DEPTOR: variants seen among roughly 807,000 people sequenced by gnomAD.
DEPTOR encodes DEP domain containing MTOR interacting protein, also known as DEP domain-containing mTOR-interacting protein.
In DEPTOR, 41 loss-of-function variants were observed where a neutral mutation model predicts 41.6. That is an observed-to-expected ratio of 0.98 (90% confidence interval 0.77 to 1.28). The LOEUF (loss-of-function observed/expected upper bound fraction) is 1.28. Among genes scored for constraint, DEPTOR ranks in the 50% most tolerant of loss-of-function variants. DEPTOR has a pLI of 0.00. For synonymous variants in DEPTOR, 195 were observed against 192.3 expected (o/e 1.01, Z -0.12); for missense variants, 514 against 527.9 (o/e 0.97, Z 0.26).
intron 3 of DEPTOR, among the ~76,000 whole-genome samples, chr8:119,943,787 A>G (rs1828233411): frequency 6.6e-6 from 1 of 151,858 alleles, no homozygotes; most frequent in South Asian, 2.1e-4. Context: ...AACCCTACCC[A>G]TAGCTTTGGT....
At chr8:120,014,473 T>C (rs1368962026) in intron 8 of DEPTOR, among the ~76,000 whole-genome samples, 29 of 152,064 alleles carry the variant, frequency 1.9e-4, no homozygotes, top group Admixed American at 1.8e-3. Context: ...AAAAAATCTG[T>C]CTCTTATCTC....
At chr8:119,985,722 G>A (rs540820021) in intron 4 of DEPTOR, among the ~76,000 whole-genome samples, 2 of 149,594 alleles carry the variant, frequency 1.3e-5, no homozygotes, top group South Asian at 4.3e-4. Flanking sequence ...AGCTCTTCTT[G>A]TTGCATTGAT....
chr8:119,926,738 T>A lies in DEPTOR; in HGVS notation c.123-1662T>A, dbSNP rs1351422697. On this transcript the variant is annotated intron_variant, in intron 1 of 8. Coordinates refer to ENST00000286234, the MANE Select transcript of DEPTOR (RefSeq NM_022783.4). ...ATATCACTGATATCCTCATCTCTGT[T>A]ACTAGTGGATTCATTGCTATGTCCT... Among the ~76,000 whole-genome samples, 4 of 152,342 alleles carry A rather than the reference T, an allele frequency of 2.6e-5. No homozygotes were observed. The East Asian group carries it at 7.7e-4, about 29-fold the overall frequency.
At chr8:120,040,147 A>C (rs1428818962) in intron 8 of DEPTOR, among the ~76,000 whole-genome samples, 1 of 152,112 alleles carries the variant, frequency 6.6e-6, no homozygotes, top group Non-Finnish European at 1.5e-5. Flanking sequence ...CCCGACCTTT[A>C]GGCAAGTAAT....
intron 6 of DEPTOR, among the ~76,000 whole-genome samples, chr8:120,004,601 A>G (rs990591045): frequency 6.6e-6 from 1 of 152,216 alleles, no homozygotes; most frequent in Non-Finnish European, 1.5e-5. Flanking sequence ...AACAAAATCC[A>G]TGTTCCCTGA....
rs556951824 is a variant in DEPTOR, at chr8:119,994,161, A to G, written c.605-7364A>G. Among the ~76,000 whole-genome samples, 4 of 152,212 alleles carry G rather than the reference A, an allele frequency of 2.6e-5. No homozygotes were observed. The East Asian group carries it at 7.7e-4, about 29-fold the overall frequency. ...TCGAAAAAAAAAAGAAAAAGAAAAA[A>G]AAAATCAGGCTGAGCGTGTTGGCTC... On this transcript the variant is annotated intron_variant, in intron 4 of 8. Transcript: ENST00000286234.
chr8:120,043,726 T>C (rs116176793), intron 8 of DEPTOR, among the ~76,000 whole-genome samples: 1,941 of 152,200 alleles, frequency 0.013, 38 homozygotes, highest in African/African-American at 0.044. Flanking sequence ...AAGATTGCAC[T>C]GGGGGCCAGG....
intron 4 of DEPTOR, among the ~76,000 whole-genome samples, chr8:119,981,420 G>A (rs577665850): frequency 6.6e-6 from 1 of 152,250 alleles, no homozygotes; most frequent in East Asian, 1.9e-4. Flanking sequence ...ACTTTGGGAG[G>A]CCGAGGCAGG....
chr8:119,940,139 C>A (rs764547418), intron 3 of DEPTOR, among the ~76,000 whole-genome samples: 1 of 151,872 alleles, frequency 6.6e-6, no homozygotes, highest in Non-Finnish European at 1.5e-5. Flanking sequence ...ATCGCTTGAA[C>A]GCAGGAGGTG....
intron 4 of DEPTOR, among the ~76,000 whole-genome samples, chr8:119,977,825 TC>T (rs1828715563): frequency 6.6e-6 from 1 of 151,970 alleles, no homozygotes; most frequent in African/African-American, 2.4e-5. Context: ...TCTTTCTCTC[TC>T]TCTTTTTTTT....
chr8:119,897,910 A>T (rs6469863), intron 1 of DEPTOR, among the ~76,000 whole-genome samples: 1 of 152,048 alleles, frequency 6.6e-6, no homozygotes, highest in Non-Finnish European at 1.5e-5. Context: ...TGCTCCTGCT[A>T]TTAATAGTAG....
chr8:120,047,258 G>T (rs1813165872), intron 8 of DEPTOR, among the ~76,000 whole-genome samples: 1 of 151,982 alleles, frequency 6.6e-6, no homozygotes, highest in Non-Finnish European at 1.5e-5. Context: ...CTGGCCTCAG[G>T]TGATCTGCCC....
chr8:119,939,289 G>A (rs952263195), intron 3 of DEPTOR, among the ~76,000 whole-genome samples: 13 of 152,114 alleles, frequency 8.5e-5, no homozygotes, highest in Non-Finnish European at 1.8e-4. Context: ...TTGGTCTGCC[G>A]GGGAAGGGCC....
intron 4 of DEPTOR, among the ~76,000 whole-genome samples, chr8:119,995,842 C>T (rs905512915): frequency 5.3e-5 from 8 of 152,026 alleles, no homozygotes; most frequent in South Asian, 4.1e-4. Flanking sequence ...ATGAATGTCA[C>T]GTGTGATTTA....
chr8:120,030,985 T>C (rs1260943033), intron 8 of DEPTOR, among the ~76,000 whole-genome samples: 2 of 152,040 alleles, frequency 1.3e-5, no homozygotes, highest in South Asian at 2.1e-4. Flanking sequence ...TCCTATAGCT[T>C]CCTCTCAATT....
chr8:120,001,516 T>TC lies in DEPTOR; in HGVS notation c.605-8dup. On this transcript the variant is annotated splice_polypyrimidine_tract_variant and intron_variant, in intron 4 of 8. Transcript: ENST00000286234. The stretch of plus-strand genomic sequence containing the variant: ...AGTCCTCATTGGTTGTTTTTTTTTT[T>TC]CTCCCCAGTGTCCAACAAGCACCCA... 6.3e-7 allele frequency: 1 copy of TC among 1,587,226 alleles called. No individual in the cohort carries two copies. Among genetic ancestry groups the TC allele is most frequent in the Non-Finnish European group, 8.6e-7 (1 of 1,167,494 alleles).
chr8:120,003,936 T>C (rs1043464863), intron 6 of DEPTOR, among the ~76,000 whole-genome samples: 2 of 152,154 alleles, frequency 1.3e-5, no homozygotes, highest in Admixed American at 6.5e-5. Flanking sequence ...GGTCCATCAC[T>C]ACAGTAACCG....
chr8:119,882,365 AAAAT>A (rs1230046272), intron 1 of DEPTOR, among the ~76,000 whole-genome samples: 1 of 151,914 alleles, frequency 6.6e-6, no homozygotes, highest in African/African-American at 2.4e-5. Context: ...ATTTTAGAAA[AAAAT>A]ACATTGTTTT....
At chr8:120,007,694 A>G (rs1035170784) in intron 7 of DEPTOR, among the ~76,000 whole-genome samples, 3 of 152,218 alleles carry the variant, frequency 2.0e-5, no homozygotes, top group Non-Finnish European at 4.4e-5. Context: ...GTCATGCTGC[A>G]AACATTTGCT....
Sources: gnomAD v4.1 joint callset for allele counts (sites outside exome capture counted in the v4.1 genomes callset) on GRCh38, gnomAD v4.1.1 for gene constraint, MANE v1.5 for transcripts, NCBI Gene and HGNC (gene_info 2026-07-23, HGNC 2026-07-21) for gene names.